MTCL2: variants seen among roughly 807,000 people sequenced by gnomAD.
MTCL2 encodes the protein microtubule cross-linking factor 2.
the MTCL2 span, chr20:36,783,385 G>C: frequency 6.6e-6 from 1 of 152,176 alleles, no homozygotes; most frequent in African/African-American, 2.4e-5. Context: ...TTTGGCTCTG[G>C]AAAGAGGTGA....
the MTCL2 span, chr20:36,793,796 C>T: frequency 1.5e-5 from 23 of 1,541,062 alleles, no homozygotes; most frequent in Non-Finnish European, 1.8e-5. The surrounding 1 kb of genome is among the most constrained non-coding windows in gnomAD (Gnocchi z 6.8). Context: ...CCGCTCGATG[C>T]GCGAATGGAC....
the MTCL2 span, among the ~76,000 whole-genome samples, chr20:36,825,599 C>G: frequency 1.3e-5 from 2 of 152,202 alleles, no homozygotes; most frequent in Non-Finnish European, 2.9e-5. Flanking sequence ...AGAGCTGTCT[C>G]CATGGCAACC....
At chr20:36,856,306 G>C in the MTCL2 span, among the ~76,000 whole-genome samples, 1 of 152,178 alleles carries the variant, frequency 6.6e-6, no homozygotes, top group Non-Finnish European at 1.5e-5. Context: ...AGTCTGCCAA[G>C]TCCCTCCTCT....
the MTCL2 span, chr20:36,777,990 T>G: frequency 8.0e-6 from 4 of 500,400 alleles, no homozygotes; most frequent in Middle Eastern, 5.0e-4. Context: ...TATGGTGAGG[T>G]TCCCAAGGGA....
chr20:36,862,138 T>G, the MTCL2 span, among the ~76,000 whole-genome samples: 1 of 152,200 alleles, frequency 6.6e-6, no homozygotes, highest in Non-Finnish European at 1.5e-5. Flanking sequence ...CCAGATGTCA[T>G]GCTTTCAAAC....
the MTCL2 span, chr20:36,781,145 A>G: frequency 1.3e-5 from 2 of 152,196 alleles, no homozygotes; most frequent in Admixed American, 6.6e-5. Flanking sequence ...ATGCTTTTTG[A>G]AAATCCTGAG....
chr20:36,809,273 G>A, the MTCL2 span, among the ~76,000 whole-genome samples: 42 of 152,354 alleles, frequency 2.8e-4, 1 homozygote, highest in South Asian at 5.2e-3. Context: ...GCAAAATGGT[G>A]ATAAGGGAGG....
chr20:36,838,533 G>A, the MTCL2 span, among the ~76,000 whole-genome samples: 6 of 152,160 alleles, frequency 3.9e-5, no homozygotes, highest in South Asian at 1.2e-3. Flanking sequence ...GCTACAGTGA[G>A]CTATGATCAC....
chr20:36,815,287 C>T, the MTCL2 span: 111 of 1,613,982 alleles, frequency 6.9e-5, no homozygotes, highest in African/African-American at 1.2e-3. The surrounding 1 kb of genome is among the most constrained non-coding windows in gnomAD (Gnocchi z 5.3). Flanking sequence ...TGCTGCAGCA[C>T]GCTCAGGCGC....
At chr20:36,845,536 C>T in the MTCL2 span, among the ~76,000 whole-genome samples, 5 of 152,224 alleles carry the variant, frequency 3.3e-5, no homozygotes, top group Admixed American at 2.6e-4. Context: ...CACGGCCCCA[C>T]GTGAGAGGGT....
the MTCL2 span, chr20:36,783,791 T>C: frequency 1.0e-6 from 1 of 984,368 alleles, no homozygotes; most frequent in South Asian, 4.7e-5. Flanking sequence ...TCCAAAAGAG[T>C]AGAGAATTTT....
At chr20:36,784,789 TAAG>T in the MTCL2 span, 1 of 985,502 alleles carries the variant, frequency 1.0e-6, no homozygotes, top group Admixed American at 6.2e-5. Flanking sequence ...GCCATAAGGC[TAAG>T]GAGAGAGGCT....
At chr20:36,820,225 C>T in the MTCL2 span, among the ~76,000 whole-genome samples, 2 of 152,246 alleles carry the variant, frequency 1.3e-5, no homozygotes, top group South Asian at 4.1e-4. Flanking sequence ...AACACTGGGC[C>T]ATGGATTAGG....
At chr20:36,844,079 T>C in the MTCL2 span, among the ~76,000 whole-genome samples, 439 of 150,960 alleles carry the variant, frequency 2.9e-3, 2 homozygotes, top group Middle Eastern at 7.0e-3. Context: ...CTACTAAAAA[T>C]ATAAGAATTA....
chr20:36,790,759 A>G, the MTCL2 span, among the ~76,000 whole-genome samples: 2 of 147,740 alleles, frequency 1.4e-5, no homozygotes, highest in African/African-American at 5.0e-5. Context: ...TTTTTAATGT[A>G]GAGATGAGCT....
the MTCL2 span, among the ~76,000 whole-genome samples, chr20:36,842,997 T>C: frequency 1.3e-5 from 2 of 152,092 alleles, no homozygotes; most frequent in Admixed American, 1.3e-4. Flanking sequence ...AGGAAGGGAC[T>C]GGGAAGTGGG....
At chr20:36,841,179 A>AAAAAAAAAAAC in the MTCL2 span, among the ~76,000 whole-genome samples, 1 of 148,560 alleles carries the variant, frequency 6.7e-6, no homozygotes, top group Non-Finnish European at 1.5e-5. Flanking sequence ...AAAAAAAAAA[A>AAAAAAAAAAAC]AAAATGAGCC....
chr20:36,797,573 G>T, the MTCL2 span: 1 of 1,556,210 alleles, frequency 6.4e-7, no homozygotes, highest in Non-Finnish European at 8.7e-7. Context: ...GCCTTCTGCA[G>T]CTGGGCAAGG....
chr20:36,860,423 T>A, the MTCL2 span, among the ~76,000 whole-genome samples: 30 of 152,284 alleles, frequency 2.0e-4, no homozygotes, highest in Middle Eastern at 6.8e-3. Context: ...CACCTCATCC[T>A]CCCTTGTCCA....
Sources: allele counts gnomAD v4.1 joint callset (sites outside exome capture counted in the v4.1 genomes callset), GRCh38; gene constraint gnomAD v4.1.1; non-coding constraint Gnocchi (gnomAD v3.1); transcripts MANE v1.5; gene names NCBI Gene and HGNC (gene_info 2026-07-23, HGNC 2026-07-21).